VRK2: variants seen among roughly 807,000 people sequenced by gnomAD.
VRK2 encodes the protein serine/threonine-protein kinase VRK2.
A neutral mutation model predicts 57.6 loss-of-function variants in VRK2; 60 were observed. That is an observed-to-expected ratio of 1.04 (90% confidence interval 0.85 to 1.29). The LOEUF (loss-of-function observed/expected upper bound fraction) is 1.29, where lower values mean the gene tolerates loss of function less well. VRK2 is among the 50% of genes most tolerant of loss of function. The pLI is 0.00. For missense variants in VRK2, 705 were observed against 588.1 expected (o/e 1.20, Z -2.06); for synonymous variants, 231 against 199.2 (o/e 1.16, Z -1.35).
At chr2:58,059,960 T>C (rs1677083412) in intron 2 of VRK2, among the ~76,000 whole-genome samples, 1 of 151,872 alleles carries the variant, frequency 6.6e-6, no homozygotes, top group Admixed American at 6.6e-5. Flanking sequence ...GAAAAGCTAT[T>C]CATTATACTT....
chr2:58,129,415 A>G (rs1486124745), intron 8 of VRK2, among the ~76,000 whole-genome samples: 3 of 152,250 alleles, frequency 2.0e-5, no homozygotes, highest in African/African-American at 7.2e-5. Flanking sequence ...GCAGGGATAG[A>G]ATTGGATCTC....
intron 6 of VRK2, among the ~76,000 whole-genome samples, 197 bp downstream of exon 6, chr2:58,088,643 T>G (rs1272173920): frequency 2.6e-5 from 4 of 152,234 alleles, no homozygotes; most frequent in Non-Finnish European, 4.4e-5. Context: ...TGTATGGCAC[T>G]GCAAACTCAA....
intron 1 of VRK2, among the ~76,000 whole-genome samples, chr2:57,924,180 T>C (rs540852507): frequency 5.9e-5 from 9 of 152,226 alleles, no homozygotes; most frequent in Non-Finnish European, 1.3e-4. Flanking sequence ...GTGTTCTTTT[T>C]GCTTAGGATA....
At chr2:57,921,304 A>ACACACTCACACACACT (rs1670339764) in intron 1 of VRK2, among the ~76,000 whole-genome samples, 1 of 151,616 alleles carries the variant, frequency 6.6e-6, no homozygotes, top group Non-Finnish European at 1.5e-5. Context: ...ACACACACAC[A>ACACACTCACACACACT]CACACACTCA....
intron 8 of VRK2, among the ~76,000 whole-genome samples, chr2:58,131,454 A>C (rs189142686): frequency 1.3e-4 from 19 of 151,976 alleles, no homozygotes; most frequent in African/African-American, 4.6e-4. Context: ...GCAGACATTT[A>C]TTTCTTTGTT....
intron 1 of VRK2, among the ~76,000 whole-genome samples, chr2:57,917,808 C>A (rs780390768): frequency 4.6e-5 from 7 of 151,534 alleles, no homozygotes; most frequent in Non-Finnish European, 8.8e-5. Context: ...ACATGCAATC[C>A]CTATAATATA....
chr2:58,054,421 G>T lies in VRK2; in HGVS notation c.136+5454G>T, dbSNP rs540923944. ...TTTTTTTAATTTGAAACATATTGCTGTGGGGAAATTTCTTCTTCCTGAAAT... is the reference window on the plus strand; with the variant it reads ...TTTTTTTAATTTGAAACATATTGCTTTGGGGAAATTTCTTCTTCCTGAAAT... On this transcript the variant is annotated intron_variant, in intron 2 of 12. Transcript: ENST00000340157. 3.3e-5 allele frequency among the ~76,000 whole-genome samples: 5 copies of T among 151,178 alleles called. 1 individual carries two copies. The South Asian group carries it at 8.3e-4, about 25-fold the overall frequency.
chr2:58,135,047 G>T, intron 9 of VRK2, 94 bp from the exon 10 acceptor site: 2 of 1,328,706 alleles, frequency 1.5e-6, no homozygotes, highest in Non-Finnish European at 1.0e-6. Flanking sequence ...CACAATTTTG[G>T]TGACCTACCA....
At chr2:58,149,991 C>CTTTT (rs1682748008) in intron 12 of VRK2, among the ~76,000 whole-genome samples, 4 of 102,574 alleles carry the variant, frequency 3.9e-5, no homozygotes, top group Admixed American at 1.1e-4. Context: ...TTTTCTTTTT[C>CTTTT]TTTTCTTTTT....
intron 1 of VRK2, among the ~76,000 whole-genome samples, chr2:58,012,416 G>GCA (rs1673441945): frequency 1.3e-5 from 2 of 152,150 alleles, no homozygotes; most frequent in South Asian, 4.1e-4. Flanking sequence ...CACCCTTTCA[G>GCA]CACTTCAATG....
At chr2:58,101,467 A>T (rs1432961393) in intron 7 of VRK2, among the ~76,000 whole-genome samples, 1 of 151,788 alleles carries the variant, frequency 6.6e-6, no homozygotes, top group African/African-American at 2.4e-5. Context: ...CAAACTTCAC[A>T]GTCATTCCTT....
At chr2:58,086,768 C>T (rs528616523) in intron 5 of VRK2, among the ~76,000 whole-genome samples, 2 of 152,160 alleles carry the variant, frequency 1.3e-5, no homozygotes, top group African/African-American at 4.8e-5. Flanking sequence ...GGCCTTCTTA[C>T]TTCCTGATCA....
intron 11 of VRK2, among the ~76,000 whole-genome samples, chr2:58,145,818 C>T (rs1466157897): frequency 6.6e-6 from 1 of 151,982 alleles, no homozygotes; most frequent in East Asian, 1.9e-4. Flanking sequence ...TGTTCCCTAC[C>T]CTGTGTCCAA....
At chr2:58,058,746 A>T (rs1004975662) in intron 2 of VRK2, among the ~76,000 whole-genome samples, 1 of 152,050 alleles carries the variant, frequency 6.6e-6, no homozygotes, top group East Asian at 1.9e-4. Flanking sequence ...CTCTGTGTTA[A>T]GTGCATTGCA....
At chr2:58,017,130 C>T (rs1673609226) in intron 1 of VRK2, among the ~76,000 whole-genome samples, 1 of 152,168 alleles carries the variant, frequency 6.6e-6, no homozygotes, top group South Asian at 2.1e-4. Context: ...ATAGAAAACC[C>T]TCCACTTTGG....
intron 1 of VRK2, among the ~76,000 whole-genome samples, chr2:58,001,050 T>A (rs1215062829): frequency 6.6e-6 from 1 of 152,174 alleles, no homozygotes; most frequent in Admixed American, 6.5e-5. Context: ...AGTGGCATAA[T>A]TTTCAAAATA....
rs147030777 is a variant in VRK2, at chr2:57,917,035, T to C, written c.-439+9196T>C. Among the ~76,000 whole-genome samples, 161 of 152,280 alleles carry C rather than the reference T, an allele frequency of 1.1e-3. 3 individuals are homozygous for C. The highest frequency in any genetic ancestry group is 3.6e-3 in the African/African-American group (151 of 41,558). On this transcript the variant is annotated intron_variant, in intron 1 of 15. Transcript: ENST00000417641. Reference sequence around the variant, plus strand: ...AATTTTCAAATGTACAATCTCTAGATTACTAGCTGATGAATCATTAGGTTC... The same window carrying C: ...AATTTTCAAATGTACAATCTCTAGACTACTAGCTGATGAATCATTAGGTTC...
rs1249114531 is a variant in VRK2 at position 58,159,842 on chromosome 2, CTAAAAAA to C, written c.*155_*161del. 2 of 1,607,928 alleles carry C rather than the reference CTAAAAAA, an allele frequency of 1.2e-6. No homozygotes were observed. Among genetic ancestry groups the C allele is most frequent in the Non-Finnish European group, 8.5e-7 (1 of 1,178,000 alleles). On this transcript the variant is annotated 3_prime_UTR_variant, in exon 13 of 13. Coordinates refer to ENST00000340157, the MANE Select transcript of VRK2 (RefSeq NM_006296.7). The stretch of plus-strand genomic sequence containing the variant: ...TATTTTAACAAAGTTTGTGGACACT[CTAAAAAA>C]TAAAATTGCTTTGTACTAGAAATAG...
chr2:58,062,460 G>C (rs1033101757), intron 2 of VRK2, among the ~76,000 whole-genome samples: 1 of 152,062 alleles, frequency 6.6e-6, no homozygotes, highest in South Asian at 2.1e-4. Flanking sequence ...AGTGAGGAAG[G>C]CATGTCGAAA....
Sources: allele counts gnomAD v4.1 joint callset (sites outside exome capture counted in the v4.1 genomes callset), GRCh38; gene constraint gnomAD v4.1.1; transcripts MANE v1.5; gene names NCBI Gene and HGNC (gene_info 2026-07-23, HGNC 2026-07-21).